Variants in SCN11A observed in about 807,000 individuals in gnomAD.
SCN11A encodes sodium voltage-gated channel alpha subunit 11.
In SCN11A, 122 loss-of-function variants were observed where a neutral mutation model predicts 162.2. That is an observed-to-expected ratio of 0.75 (90% CI 0.65 to 0.87). SCN11A has a LOEUF of 0.87. Ranked by LOEUF, SCN11A falls within the 40% of genes least tolerant of loss-of-function variation. The probability of loss-of-function intolerance (pLI) is 0.00; values close to 1 mark genes in which losing one functional copy is unlikely to be tolerated. For synonymous variants in SCN11A, 758 were observed against 751.5 expected, an observed-to-expected ratio of 1.01 and a Z score of -0.14; for missense variants, 2,015 against 2,181.6, an observed-to-expected ratio of 0.92 and a Z score of 1.52.
intron 2 of SCN11A, among the ~76,000 whole-genome samples, chr3:39,015,232 C>T (rs1198243370): frequency 2.0e-5 from 3 of 152,344 alleles, no homozygotes; most frequent in African/African-American, 4.8e-5. Flanking sequence ...CTTCTACTTT[C>T]TTCCATGTGA....
intron 19 of SCN11A, among the ~76,000 whole-genome samples, chr3:38,891,299 T>C (rs2065495565): frequency 6.6e-6 from 1 of 151,984 alleles, no homozygotes; most frequent in South Asian, 2.1e-4. Flanking sequence ...CAACAGTACA[T>C]TTGAAGAAAG....
intron 3 of SCN11A, among the ~76,000 whole-genome samples, chr3:38,955,221 T>C (rs1034675664): frequency 1.3e-5 from 2 of 152,100 alleles, no homozygotes; most frequent in East Asian, 1.9e-4. Context: ...CAGGAGGTAG[T>C]GGTTGCAGTG....
At chr3:38,916,583 T>C (rs1459579429) in intron 11 of SCN11A, among the ~76,000 whole-genome samples, 1 of 152,210 alleles carries the variant, frequency 6.6e-6, no homozygotes, top group African/African-American at 2.4e-5. Flanking sequence ...TCGTTGGCAC[T>C]GATGAGCTAT....
chr3:38,902,926 T>A (rs1269570242), intron 16 of SCN11A, among the ~76,000 whole-genome samples: 1 of 151,874 alleles, frequency 6.6e-6, no homozygotes, highest in East Asian at 1.9e-4. Context: ...TAAAAATACA[T>A]ACACACATAC....
chr3:38,866,612 A>T (rs910177112), intron 27 of SCN11A, among the ~76,000 whole-genome samples: 30 of 152,240 alleles, frequency 2.0e-4, no homozygotes, highest in South Asian at 4.1e-4. Context: ...ATATAAGGTA[A>T]TCCTAACTGT....
Position 38,867,314 on chromosome 3 carries a change from T to C in SCN11A, c.3951+7A>G. ...AATTACCAAATCAAGACAACCCAGA[T>C]ACTTATCTTTTTCTGCTGTTGGTTG... On this transcript the variant is annotated splice_region_variant and intron_variant, in intron 27 of 29. Coordinates refer to ENST00000302328, the MANE Select transcript of SCN11A (RefSeq NM_001349253.2). The C allele has an allele frequency of 1.9e-6, 3 of 1,611,208 alleles. No individual in the cohort carries two copies. Among genetic ancestry groups the C allele is most frequent in the Non-Finnish European group, 2.5e-6 (3 of 1,178,724 alleles).
intron 2 of SCN11A, among the ~76,000 whole-genome samples, chr3:39,029,342 T>A (rs1439620374): frequency 6.6e-6 from 1 of 152,236 alleles, no homozygotes; most frequent in Non-Finnish European, 1.5e-5. Context: ...GTTAAATATA[T>A]TTTTATGCAA....
At chr3:38,887,110 G>A (rs968127114) in intron 19 of SCN11A, among the ~76,000 whole-genome samples, 13 of 151,916 alleles carry the variant, frequency 8.6e-5, no homozygotes, top group South Asian at 8.3e-4. Context: ...TTAAGTACAC[G>A]CCATGTTCTT....
At chr3:39,019,766 T>C (rs1385490323) in intron 2 of SCN11A, among the ~76,000 whole-genome samples, 1 of 152,262 alleles carries the variant, frequency 6.6e-6, no homozygotes, top group Non-Finnish European at 1.5e-5. Context: ...CACTTTCTTA[T>C]TTATAATGAT....
intron 2 of SCN11A, among the ~76,000 whole-genome samples, chr3:38,985,422 A>G (rs911334467): frequency 1.4e-4 from 21 of 150,452 alleles, no homozygotes; most frequent in African/African-American, 5.2e-4. Context: ...GAGCCACCGC[A>G]CCCGGCCTGC....
intron 1 of SCN11A, among the ~76,000 whole-genome samples, chr3:39,045,926 TAAAG>T (rs139504945): frequency 0.037 from 5,651 of 152,184 alleles, 159 homozygotes; most frequent in Middle Eastern, 0.078. Context: ...TCAGAACTGA[TAAAG>T]AAATTCATAA....
chr3:38,975,713 A>G (rs2066845765), intron 2 of SCN11A, among the ~76,000 whole-genome samples: 1 of 152,262 alleles, frequency 6.6e-6, no homozygotes, highest in African/African-American at 2.4e-5. Flanking sequence ...AACATTATGT[A>G]AAGTGACAAT....
In SCN11A at chr3:38,885,396, C is replaced by G. The variant is rs376019076; in HGVS notation, c.2956G>C (p.Asp986His). Reference protein sequence around the residue: ...LTIQDPRKKSDVTSILSECST... With the variant: ...LTIQDPRKKSHVTSILSECST... ...CATTCTGATAGTATACTGGTAACAT[C>G]AGACTTCTGCACATCAGAACAAAAC... The change falls in exon 21 of 30, where the codon GAT (aspartate) becomes CAT (histidine). Residue 986 changes from aspartate to histidine, a missense_variant. Transcript: ENST00000302328. 3.8e-6 allele frequency: 6 copies of G among 1,580,000 alleles called. No homozygotes were observed. Among genetic ancestry groups the G allele is most frequent in the African/African-American group, 1.3e-5 (1 of 74,158 alleles).
chr3:38,927,031 A>C (rs1168977022), intron 7 of SCN11A, 100 bp from the exon 8 acceptor site: 1 of 1,164,436 alleles, frequency 8.6e-7, no homozygotes, highest in Non-Finnish European at 1.2e-6. Flanking sequence ...TTTCCATTTC[A>C]ATGTGACATT....
chr3:38,856,861 G>A (rs1409694266), intron 28 of SCN11A, among the ~76,000 whole-genome samples: 1 of 152,158 alleles, frequency 6.6e-6, no homozygotes, highest in African/African-American at 2.4e-5. Flanking sequence ...ATCAGGGAAA[G>A]CCAGTGCACA....
intron 3 of SCN11A, among the ~76,000 whole-genome samples, chr3:38,954,212 T>G (rs139434181): frequency 2.7e-4 from 41 of 152,324 alleles, no homozygotes; most frequent in African/African-American, 9.1e-4. Context: ...CTATTTCAAT[T>G]TCCCCCTCCT....
chr3:38,850,791 G>C (rs1383687468), intron 28 of SCN11A, 40 bp from the exon 29 acceptor site: 1 of 1,480,460 alleles, frequency 6.8e-7, no homozygotes, highest in Non-Finnish European at 9.1e-7. Context: ...TTGAATGCAA[G>C]AATAAAATTA....
intron 22 of SCN11A, among the ~76,000 whole-genome samples, 189 bp downstream of exon 22, chr3:38,883,044 C>T (rs977469391): frequency 1.2e-4 from 18 of 152,148 alleles, no homozygotes; most frequent in African/African-American, 3.4e-4. Flanking sequence ...AGCATCTTTG[C>T]TTGGTGATAT....
At chr3:38,931,220 T>C (rs1269692194) in intron 7 of SCN11A, among the ~76,000 whole-genome samples, 1 of 152,160 alleles carries the variant, frequency 6.6e-6, no homozygotes, top group Non-Finnish European at 1.5e-5. Flanking sequence ...ATCTGTGCCC[T>C]CCTCAAGGCA....
Sources: gnomAD v4.1 joint callset for allele counts (sites outside exome capture counted in the v4.1 genomes callset) on GRCh38, gnomAD v4.1.1 for gene constraint, MANE v1.5 for transcripts, NCBI Gene and HGNC (gene_info 2026-07-23, HGNC 2026-07-21) for gene names.